Variants in UBE2E2 observed in about 807,000 individuals in gnomAD.
UBE2E2 encodes the protein ubiquitin conjugating enzyme E2 E2.
Under a neutral mutation model 24.7 loss-of-function variants are expected in UBE2E2, and 6 were observed. That is an observed-to-expected ratio of 0.24 (90% CI 0.13 to 0.48). The LOEUF is 0.48. Among genes scored for constraint, UBE2E2 ranks in the 20% least tolerant of loss-of-function variants. UBE2E2 has a pLI of 0.99. For synonymous variants in UBE2E2, 104 were observed against 83.6 expected (o/e 1.24, Z -1.33); for missense variants, 169 against 245.0 (o/e 0.69, Z 2.07).
At chr3:23,271,552 G>T (rs1259129544) in intron 3 of UBE2E2, among the ~76,000 whole-genome samples, 3 of 152,132 alleles carry the variant, frequency 2.0e-5, no homozygotes, top group African/African-American at 7.2e-5. Flanking sequence ...CCCATTTTAT[G>T]GAGAGCTGAT....
intron 3 of UBE2E2, among the ~76,000 whole-genome samples, chr3:23,312,909 C>T (rs576664236): frequency 1.4e-3 from 207 of 152,178 alleles, no homozygotes; most frequent in African/African-American, 4.8e-3. Context: ...TTTAAAAATT[C>T]CTCATTATTG....
In UBE2E2 at chr3:23,446,024, GA is replaced by G. The variant is rs200959906; in HGVS notation, c.228-53576del. Among the ~76,000 whole-genome samples, 29 of 151,814 alleles carry G rather than the reference GA, an allele frequency of 1.9e-4. No individual in the cohort carries two copies. The East Asian group carries it at 4.6e-3, about 24-fold the overall frequency. On this transcript the variant is annotated intron_variant, in intron 3 of 5. Transcript: ENST00000396703. ...AGAGAGACCCCATTTCTTAAACAGA[GA>G]AAAAAAATAGGTCTTGTACCATGAG...
At chr3:23,312,736 C>T (rs966128395) in intron 3 of UBE2E2, among the ~76,000 whole-genome samples, 6 of 151,794 alleles carry the variant, frequency 4.0e-5, no homozygotes, top group Non-Finnish European at 5.9e-5. Flanking sequence ...TCTTTTTTGA[C>T]GTAGGCAAAA....
At position 23,590,767 on chromosome 3, in the gene UBE2E2, T is replaced by A. The variant is rs1020547808; in HGVS notation, c.*936T>A. Reference sequence around the variant, plus strand: ...GTCAGTAGCCTGATGATTTTATGGTTGTTATAGTAAATTGCTATCATTTTA... The same window carrying A: ...GTCAGTAGCCTGATGATTTTATGGTAGTTATAGTAAATTGCTATCATTTTA... On this transcript the variant is annotated 3_prime_UTR_variant, in exon 6 of 6. Coordinates refer to ENST00000396703, the MANE Select transcript of UBE2E2 (RefSeq NM_152653.4). The A allele has an allele frequency of 1.4e-4, 21 of 152,246 alleles. No individual in the cohort carries two copies. The highest frequency in any genetic ancestry group is 4.6e-4 in the Admixed American group (7 of 15,290). The allele number at this position is 152,246 out of a possible 1,614,324, so 9.4% of individuals were successfully genotyped here.
intron 3 of UBE2E2, among the ~76,000 whole-genome samples, chr3:23,222,316 G>T (rs145630850): frequency 6.6e-6 from 1 of 152,162 alleles, no homozygotes; most frequent in Admixed American, 6.5e-5. Flanking sequence ...ACATGGAGGT[G>T]CAGATATCTC....
At chr3:23,547,266 T>C (rs1274053454) in intron 5 of UBE2E2, among the ~76,000 whole-genome samples, 1 of 152,212 alleles carries the variant, frequency 6.6e-6, no homozygotes, top group Non-Finnish European at 1.5e-5. Context: ...AGTAGGTTCT[T>C]GGTCTCCACA....
chr3:23,274,027 A>T (rs779094554), intron 3 of UBE2E2: 2 of 152,242 alleles, frequency 1.3e-5, no homozygotes, highest in Non-Finnish European at 2.9e-5. Context: ...GGGAAAAAAA[A>T]TGCTGTTGAT....
intron 3 of UBE2E2, among the ~76,000 whole-genome samples, chr3:23,467,533 C>G (rs1264765317): frequency 6.6e-6 from 1 of 152,162 alleles, no homozygotes; most frequent in East Asian, 1.9e-4. Flanking sequence ...ATCCTTACTT[C>G]ATGGGGTTGC....
At chr3:23,504,672 G>T (rs1049621739) in intron 4 of UBE2E2, among the ~76,000 whole-genome samples, 1 of 152,002 alleles carries the variant, frequency 6.6e-6, no homozygotes, top group Non-Finnish European at 1.5e-5. Context: ...ACATTTATTT[G>T]ACTACCTGTG....
chr3:23,387,481 A>G (rs982475118), intron 3 of UBE2E2, among the ~76,000 whole-genome samples: 2 of 152,170 alleles, frequency 1.3e-5, no homozygotes, highest in African/African-American at 2.4e-5. Flanking sequence ...TCTATAGGAC[A>G]CAGTTTTCTC....
intron 3 of UBE2E2, among the ~76,000 whole-genome samples, chr3:23,323,846 C>T (rs147798339): frequency 1.3e-5 from 2 of 152,178 alleles, no homozygotes; most frequent in African/African-American, 4.8e-5. Flanking sequence ...CACTTTTGTA[C>T]TTGCCTCACT....
At chr3:23,468,710 T>A (rs1473009855) in intron 3 of UBE2E2, among the ~76,000 whole-genome samples, 2 of 152,288 alleles carry the variant, frequency 1.3e-5, no homozygotes, top group African/African-American at 4.8e-5. Context: ...AAACAACTAA[T>A]AAGTACAACA....
intron 3 of UBE2E2, among the ~76,000 whole-genome samples, chr3:23,454,912 C>T (rs921355534): frequency 1.3e-5 from 2 of 152,054 alleles, no homozygotes; most frequent in East Asian, 1.9e-4. Context: ...GTTTACCTTA[C>T]GTTTTGCAGT....
chr3:23,336,846 A>T (rs1271141079), intron 3 of UBE2E2, among the ~76,000 whole-genome samples: 1 of 152,200 alleles, frequency 6.6e-6, no homozygotes, highest in Non-Finnish European at 1.5e-5. Flanking sequence ...CTGGATAAGA[A>T]TTTGGCTGAT....
chr3:23,502,881 G>A (rs984820293), intron 4 of UBE2E2, among the ~76,000 whole-genome samples: 1 of 152,142 alleles, frequency 6.6e-6, no homozygotes, highest in Non-Finnish European at 1.5e-5. Flanking sequence ...ATTTTACATA[G>A]TATCTTTTCT....
intron 3 of UBE2E2, among the ~76,000 whole-genome samples, chr3:23,311,124 T>C (rs1225173930): frequency 2.0e-5 from 3 of 152,182 alleles, no homozygotes; most frequent in Non-Finnish European, 4.4e-5. Context: ...TTTTTGTCCT[T>C]GTGATAGTTT....
intron 3 of UBE2E2, among the ~76,000 whole-genome samples, chr3:23,293,287 A>T (rs187125457): frequency 1.3e-5 from 2 of 152,268 alleles, no homozygotes; most frequent in Admixed American, 6.5e-5. Flanking sequence ...TTCCCAGGTG[A>T]TTCTTACATT....
intron 3 of UBE2E2, among the ~76,000 whole-genome samples, chr3:23,284,692 G>A (rs1031002888): frequency 2.0e-5 from 3 of 151,596 alleles, no homozygotes; most frequent in South Asian, 2.1e-4. Context: ...TTGTTTTGGT[G>A]GGTACATAGT....
intron 3 of UBE2E2, among the ~76,000 whole-genome samples, chr3:23,471,981 A>G (rs1161311751): frequency 1.3e-5 from 2 of 151,750 alleles, no homozygotes; most frequent in Admixed American, 6.6e-5. Flanking sequence ...TAAAGCCTTT[A>G]TAAGATAAAA....
Sources: gnomAD v4.1 joint callset for allele counts (sites outside exome capture counted in the v4.1 genomes callset) on GRCh38, gnomAD v4.1.1 for gene constraint, MANE v1.5 for transcripts, NCBI Gene and HGNC (gene_info 2026-07-23, HGNC 2026-07-21) for gene names.